Variants in PDE7A observed in about 807,000 individuals in gnomAD.
PDE7A encodes the protein phosphodiesterase 7A.
Under a neutral mutation model 64.3 loss-of-function variants are expected in PDE7A, and 39 were observed. The observed-to-expected ratio is 0.61, with a 90% confidence interval of 0.47 to 0.79. The LOEUF is 0.79. PDE7A is among the 30% of genes least tolerant of loss of function. PDE7A has a pLI of 0.00. For synonymous variants in PDE7A, 203 were observed against 206.8 expected, an observed-to-expected ratio of 0.98 and a Z score of 0.16; for missense variants, 470 against 582.8, an observed-to-expected ratio of 0.81 and a Z score of 1.99.
chr8:65,825,993 G>A (rs1810664006), intron 1 of PDE7A, among the ~76,000 whole-genome samples: 1 of 152,170 alleles, frequency 6.6e-6, no homozygotes, highest in South Asian at 2.1e-4. Flanking sequence ...GGTCAAGGAA[G>A]GCTCCTCTGC....
At chr8:65,827,281 TG>T (rs1810701542) in intron 1 of PDE7A, among the ~76,000 whole-genome samples, 1 of 152,108 alleles carries the variant, frequency 6.6e-6, no homozygotes, top group African/African-American at 2.4e-5. Context: ...TAACCTCTCT[TG>T]TTTCAGCCTA....
At chr8:65,806,427 T>TA (rs1287826553) in intron 1 of PDE7A, among the ~76,000 whole-genome samples, 3 of 152,156 alleles carry the variant, frequency 2.0e-5, no homozygotes, top group Admixed American at 2.0e-4. Context: ...GTGCTGGAAT[T>TA]AGAGTAGTAA....
chr8:65,824,944 T>C (rs1810633617), intron 1 of PDE7A, among the ~76,000 whole-genome samples: 1 of 152,152 alleles, frequency 6.6e-6, no homozygotes, highest in Non-Finnish European at 1.5e-5. Context: ...AACAAACATA[T>C]ATTACAAGTT....
chr8:65,773,008 A>C (rs987271875), intron 3 of PDE7A, among the ~76,000 whole-genome samples: 3 of 149,344 alleles, frequency 2.0e-5, no homozygotes, highest in African/African-American at 7.3e-5. Flanking sequence ...ACTCTGTCTC[A>C]AAAAAAAAAA....
chr8:65,716,160 A>C lies in PDE7A; in HGVS notation c.*3130T>G, dbSNP rs1242228466. On this transcript the variant is annotated 3_prime_UTR_variant, in exon 13 of 13. Coordinates refer to ENST00000401827, the MANE Select transcript of PDE7A (RefSeq NM_001242318.3). The stretch of plus-strand genomic sequence containing the variant: ...CGAGACCCTGTCTCAAAAAAAAAAA[A>C]AAACAAAAGGGCTATAGAAGGTGAT... Among the ~76,000 whole-genome samples the C allele has an allele frequency of 2.0e-5, 3 of 151,504 alleles. No homozygotes were observed. The highest frequency in any genetic ancestry group is 4.4e-5 in the Non-Finnish European group (3 of 67,868).
intron 11 of PDE7A, among the ~76,000 whole-genome samples, chr8:65,723,835 C>A (rs576790650): frequency 4.5e-4 from 68 of 152,224 alleles, no homozygotes; most frequent in Non-Finnish European, 7.8e-4. Context: ...CAAGGTGTTA[C>A]CCCAAGACTG....
At chr8:65,828,274 A>T (rs1810728836) in intron 1 of PDE7A, among the ~76,000 whole-genome samples, 1 of 152,122 alleles carries the variant, frequency 6.6e-6, no homozygotes, top group Non-Finnish European at 1.5e-5. Flanking sequence ...ACACATTGAT[A>T]TATAATATCT....
chr8:65,833,800 CA>C (rs1016952567), intron 1 of PDE7A, among the ~76,000 whole-genome samples: 5 of 151,986 alleles, frequency 3.3e-5, no homozygotes, highest in Admixed American at 6.5e-5. Flanking sequence ...CCCATCTCTA[CA>C]AAAACTAGAA....
At chr8:65,732,790 G>A (rs1233113931) in intron 7 of PDE7A, among the ~76,000 whole-genome samples, 3 of 152,222 alleles carry the variant, frequency 2.0e-5, no homozygotes, top group African/African-American at 7.2e-5. Context: ...TGAGATTACA[G>A]GCATGAGCCA....
chr8:65,732,429 A>T (rs1412741912), intron 7 of PDE7A, among the ~76,000 whole-genome samples: 1 of 152,222 alleles, frequency 6.6e-6, no homozygotes, highest in Admixed American at 6.5e-5. Context: ...TTGCACCAGG[A>T]TAGAGCCTGG....
chr8:65,821,663 C>G (rs796535837), intron 1 of PDE7A, among the ~76,000 whole-genome samples: 8 of 152,304 alleles, frequency 5.3e-5, no homozygotes, highest in African/African-American at 1.9e-4. Context: ...ATGAGAATCA[C>G]TAGCCATCTG....
chr8:65,799,118 C>T (rs1051037534), intron 1 of PDE7A, among the ~76,000 whole-genome samples: 5 of 151,930 alleles, frequency 3.3e-5, no homozygotes, highest in Admixed American at 6.6e-5. Flanking sequence ...CAAAGGGCCC[C>T]AAAAGAACTT....
intron 3 of PDE7A, among the ~76,000 whole-genome samples, chr8:65,767,001 A>AAACAAC (rs149118435): frequency 1.0e-3 from 152 of 150,974 alleles, no homozygotes; most frequent in South Asian, 4.4e-3. Context: ...TGCTCATTCA[A>AAACAAC]AACAACAACA....
chr8:65,751,170 T>C (rs1807935931), intron 3 of PDE7A, among the ~76,000 whole-genome samples: 2 of 152,198 alleles, frequency 1.3e-5, no homozygotes, highest in African/African-American at 4.8e-5. Context: ...CGTAACAAGA[T>C]TATATTCTGG....
intron 1 of PDE7A, among the ~76,000 whole-genome samples, chr8:65,808,567 A>G (rs1810165049): frequency 1.3e-5 from 2 of 152,190 alleles, no homozygotes; most frequent in South Asian, 2.1e-4. Flanking sequence ...CTAAACACCA[A>G]TGTGTTCACA....
chr8:65,802,520 C>T (rs1011914434), intron 1 of PDE7A, among the ~76,000 whole-genome samples: 1 of 152,166 alleles, frequency 6.6e-6, no homozygotes, highest in African/African-American at 2.4e-5. Flanking sequence ...GTTTACTCTT[C>T]CTAACTACGG....
intron 7 of PDE7A, among the ~76,000 whole-genome samples, chr8:65,729,421 TAGC>T (rs1004088645): frequency 5.3e-5 from 7 of 132,092 alleles, no homozygotes; most frequent in Admixed American, 1.8e-4. Context: ...ATAGTAGAAA[TAGC>T]AGAAAGAAGG....
intron 7 of PDE7A, among the ~76,000 whole-genome samples, chr8:65,729,479 A>C (rs1204708431): frequency 6.6e-6 from 1 of 150,814 alleles, no homozygotes; most frequent in Non-Finnish European, 1.5e-5. Context: ...AGGAGGTGGC[A>C]CTATCATGGA....
chr8:65,817,689 G>A (rs559502689), intron 1 of PDE7A, among the ~76,000 whole-genome samples: 2 of 151,180 alleles, frequency 1.3e-5, no homozygotes, highest in South Asian at 4.2e-4. Context: ...CAGGTTATAG[G>A]TTTTAGGGGA....
Sources: allele counts gnomAD v4.1 joint callset (sites outside exome capture counted in the v4.1 genomes callset), GRCh38; gene constraint gnomAD v4.1.1; transcripts MANE v1.5; gene names NCBI Gene and HGNC (gene_info 2026-07-23, HGNC 2026-07-21).